Variants in MEI4 observed in about 807,000 individuals in gnomAD.
MEI4 encodes meiosis-specific protein MEI4.
Under a neutral mutation model 31.4 loss-of-function variants are expected in MEI4, and 27 were observed. The ratio of observed to expected loss-of-function variants is 0.86; its 90% CI spans 0.63 to 1.19. MEI4 has a LOEUF of 1.19. MEI4 is among the 50% of genes most tolerant of loss of function. The pLI is 0.00. For missense variants in MEI4, 329 were observed against 398.9 expected (o/e 0.82, Z 1.49); for synonymous variants, 122 against 145.4 (o/e 0.84, Z 1.16).
chr6:77,697,338 T>A (rs1440358278), intron 2 of MEI4, among the ~76,000 whole-genome samples: 111 of 151,996 alleles, frequency 7.3e-4, no homozygotes, highest in African/African-American at 2.4e-3. Flanking sequence ...TTGCTTTTCT[T>A]GTTCTTTTAA....
At position 77,733,752 on chromosome 6, in the gene MEI4, C is replaced by T. The variant is rs535705660; in HGVS notation, c.233-27378C>T. Among the ~76,000 whole-genome samples, 312 of 152,112 alleles carry T rather than the reference C, an allele frequency of 2.1e-3. 2 individuals carry two copies. Among genetic ancestry groups the T allele is most frequent in the Non-Finnish European group, 3.7e-3 (251 of 68,028 alleles). Reference sequence around the variant, plus strand: ...CAATTCTGGATCTTTTCTGCTTTCTCTTGTGGGCATTTAGTGCTATAAATT... The same window carrying T: ...CAATTCTGGATCTTTTCTGCTTTCTTTTGTGGGCATTTAGTGCTATAAATT... On this transcript the variant is annotated intron_variant, in intron 2 of 4. Coordinates refer to ENST00000684080, the MANE Select transcript of MEI4 (RefSeq NM_001322247.2).
intron 3 of MEI4, among the ~76,000 whole-genome samples, chr6:77,794,256 T>G (rs775758362): frequency 1.3e-5 from 2 of 152,216 alleles, no homozygotes; most frequent in African/African-American, 2.4e-5. Context: ...AAATGACAGT[T>G]GTTAACATTT....
chr6:77,766,200 T>G (rs1217243748), intron 3 of MEI4, among the ~76,000 whole-genome samples: 1 of 152,202 alleles, frequency 6.6e-6, no homozygotes, highest in Admixed American at 6.5e-5. Flanking sequence ...GAAGTCCTTT[T>G]AAATTTAACT....
At chr6:77,849,454 C>A (rs183697999) in intron 4 of MEI4, among the ~76,000 whole-genome samples, 1 of 152,260 alleles carries the variant, frequency 6.6e-6, no homozygotes, top group East Asian at 1.9e-4. Context: ...AGCATAACTG[C>A]ATTTCTGTTC....
chr6:77,758,666 C>G (rs1767970121), intron 2 of MEI4, among the ~76,000 whole-genome samples: 1 of 152,168 alleles, frequency 6.6e-6, no homozygotes, highest in Non-Finnish European at 1.5e-5. Context: ...AAAGTGTTTA[C>G]TTTGGCATTA....
intron 4 of MEI4, among the ~76,000 whole-genome samples, chr6:77,880,710 C>T (rs1771462933): frequency 6.6e-6 from 1 of 152,134 alleles, no homozygotes; most frequent in South Asian, 2.1e-4. Context: ...CATCCTCCTG[C>T]TGCACACTTC....
At chr6:77,732,108 C>G (rs575231729) in intron 2 of MEI4, among the ~76,000 whole-genome samples, 2 of 150,994 alleles carry the variant, frequency 1.3e-5, no homozygotes. Flanking sequence ...CTTGGCGATG[C>G]GGGCTCTTTT....
intron 1 of MEI4, among the ~76,000 whole-genome samples, chr6:77,677,445 C>A (rs1436348465): frequency 6.6e-6 from 1 of 152,148 alleles, no homozygotes; most frequent in Non-Finnish European, 1.5e-5. Context: ...CAAGCTGGAA[C>A]TTGGGGGTCA....
chr6:77,732,746 A>G (rs1321652709), intron 2 of MEI4, among the ~76,000 whole-genome samples: 1 of 152,034 alleles, frequency 6.6e-6, no homozygotes, highest in Admixed American at 6.5e-5. Flanking sequence ...CCCATTCAGT[A>G]TGATATTGGC....
At chr6:77,767,870 T>C (rs1469987684) in intron 3 of MEI4, among the ~76,000 whole-genome samples, 1 of 152,128 alleles carries the variant, frequency 6.6e-6, no homozygotes, top group Non-Finnish European at 1.5e-5. Flanking sequence ...CAAAGCAGTG[T>C]TTAACTTTCA....
At chr6:77,838,448 G>A (rs935633197) in intron 4 of MEI4, among the ~76,000 whole-genome samples, 3 of 152,152 alleles carry the variant, frequency 2.0e-5, no homozygotes. Context: ...AATAAAGGTT[G>A]CCTGATTTAT....
At chr6:77,763,838 G>A (rs542295466) in intron 3 of MEI4, among the ~76,000 whole-genome samples, 11 of 151,140 alleles carry the variant, frequency 7.3e-5, no homozygotes, top group Admixed American at 2.0e-4. Context: ...TTTTCTAGAC[G>A]GAGTCTCACT....
intron 4 of MEI4, among the ~76,000 whole-genome samples, chr6:77,922,600 G>A (rs1766729789): frequency 6.6e-6 from 1 of 151,642 alleles, no homozygotes; most frequent in South Asian, 2.1e-4. Flanking sequence ...TCATGACTAT[G>A]TATATGATTC....
chr6:77,848,705 A>G (rs1770542953), intron 4 of MEI4, among the ~76,000 whole-genome samples: 1 of 152,156 alleles, frequency 6.6e-6, no homozygotes, highest in Admixed American at 6.6e-5. Flanking sequence ...AAGTTGTCAC[A>G]CTAAGTGCAG....
intron 4 of MEI4, among the ~76,000 whole-genome samples, chr6:77,895,343 C>A (rs781657544): frequency 1.2e-4 from 18 of 152,258 alleles, no homozygotes; most frequent in Non-Finnish European, 2.1e-4. Context: ...CGACACCTCT[C>A]CCTGCTCTTC....
At chr6:77,919,824 C>A (rs1025732070) in intron 4 of MEI4, among the ~76,000 whole-genome samples, 19 of 149,226 alleles carry the variant, frequency 1.3e-4, no homozygotes, top group Non-Finnish European at 2.5e-4. Context: ...GATATCACCA[C>A]CGATCCCACA....
At chr6:77,749,643 T>G (rs1414098532) in intron 2 of MEI4, among the ~76,000 whole-genome samples, 1 of 152,112 alleles carries the variant, frequency 6.6e-6, no homozygotes, top group East Asian at 1.9e-4. Context: ...CTATGCTTGA[T>G]TGGTGTACCT....
intron 2 of MEI4, among the ~76,000 whole-genome samples, chr6:77,728,513 AG>A (rs111383077): frequency 1.1e-3 from 166 of 152,376 alleles, no homozygotes; most frequent in African/African-American, 2.6e-3. Flanking sequence ...AATTTATATT[AG>A]CATGGAGGAT....
chr6:77,732,981 TTGA>T (rs1767057104), intron 2 of MEI4, among the ~76,000 whole-genome samples: 1 of 151,218 alleles, frequency 6.6e-6, no homozygotes, highest in African/African-American at 2.4e-5. Context: ...TGAAGCCCAC[TTGA>T]TGATGGTGGA....
Sources: gnomAD v4.1 joint callset for allele counts (sites outside exome capture counted in the v4.1 genomes callset) on GRCh38, gnomAD v4.1.1 for gene constraint, MANE v1.5 for transcripts, NCBI Gene and HGNC (gene_info 2026-07-23, HGNC 2026-07-21) for gene names.